COL21A1: variants seen among roughly 807,000 people sequenced by gnomAD.
The protein encoded by COL21A1 is collagen alpha-1(XXI) chain.
A neutral mutation model predicts 137.9 loss-of-function variants in COL21A1; 149 were observed. That is an observed-to-expected ratio of 1.08 (90% CI 0.95 to 1.24). The LOEUF (loss-of-function observed/expected upper bound fraction) is 1.24, where lower values mean the gene tolerates loss of function less well. COL21A1 is among the 50% of genes most tolerant of loss of function. The pLI is 0.00. For missense variants in COL21A1, 1,167 were observed against 1,158.4 expected, an observed-to-expected ratio of 1.01 and a Z score of -0.11; for synonymous variants, 456 against 391.5, an observed-to-expected ratio of 1.16 and a Z score of -1.95.
At chr6:56,136,903 G>C (rs1460640579) in intron 12 of COL21A1, among the ~76,000 whole-genome samples, 2 of 152,110 alleles carry the variant, frequency 1.3e-5, no homozygotes, top group Non-Finnish European at 1.5e-5. Flanking sequence ...CACGACCGTG[G>C]GTACTCATTC....
chr6:56,217,268 C>T (rs527869629), intron 1 of COL21A1, among the ~76,000 whole-genome samples: 65 of 152,126 alleles, frequency 4.3e-4, no homozygotes, highest in African/African-American at 1.4e-3. Flanking sequence ...AGGAGGACTC[C>T]ACTTGGTGGG....
intron 1 of COL21A1, among the ~76,000 whole-genome samples, chr6:56,369,305 C>T (rs1379639174): frequency 6.6e-6 from 1 of 151,282 alleles, no homozygotes; most frequent in Admixed American, 6.6e-5. Context: ...GTAAGAATAG[C>T]CATAAGTCAA....
chr6:56,306,435 T>A (rs186808794), intron 1 of COL21A1, among the ~76,000 whole-genome samples: 25 of 152,178 alleles, frequency 1.6e-4, no homozygotes, highest in Admixed American at 1.6e-3. Flanking sequence ...CATTTCTTCT[T>A]ATTCTTTTTT....
intron 1 of COL21A1, among the ~76,000 whole-genome samples, chr6:56,367,500 T>C (rs1297346633): frequency 1.3e-5 from 2 of 152,198 alleles, no homozygotes; most frequent in Non-Finnish European, 2.9e-5. Flanking sequence ...TTCTACAGTA[T>C]AATTTTGTGT....
At chr6:56,122,897 G>T (rs1772678892) in intron 16 of COL21A1, among the ~76,000 whole-genome samples, 2 of 152,040 alleles carry the variant, frequency 1.3e-5, no homozygotes, top group Non-Finnish European at 2.9e-5. Flanking sequence ...CAAAATATTT[G>T]CCAGAGAACA....
At chr6:56,142,082 C>T in intron 10 of COL21A1, 99 bp from the exon 11 acceptor site, 1 of 842,094 alleles carries the variant, frequency 1.2e-6, no homozygotes, top group Non-Finnish European at 1.8e-6. Context: ...GTTTCTCATG[C>T]CTAAAACTTC....
intron 1 of COL21A1, among the ~76,000 whole-genome samples, chr6:56,242,467 A>T (rs1925156): frequency 0.46 from 70,221 of 151,968 alleles, 17,760 homozygotes; most frequent in African/African-American, 0.65. Context: ...TACATAAACA[A>T]ACAGTTAAGG....
chr6:56,314,536 C>T (rs1764685830), intron 1 of COL21A1, among the ~76,000 whole-genome samples: 1 of 152,136 alleles, frequency 6.6e-6, no homozygotes. Context: ...GTCTGCAACA[C>T]CTCGGCCAAG....
chr6:56,075,154 T>A (rs1324905789), intron 19 of COL21A1, among the ~76,000 whole-genome samples: 1 of 151,354 alleles, frequency 6.6e-6, no homozygotes, highest in Non-Finnish European at 1.5e-5. Context: ...TAATTTAAAA[T>A]AAAAAAATCA....
At chr6:56,188,404 A>C (rs188093839) in intron 1 of COL21A1, among the ~76,000 whole-genome samples, 5 of 152,214 alleles carry the variant, frequency 3.3e-5, no homozygotes, top group Admixed American at 1.3e-4. Flanking sequence ...ATCAATATAC[A>C]AGTTGTGTGA....
chr6:56,098,978 G>T (rs1770168019), intron 17 of COL21A1, among the ~76,000 whole-genome samples: 1 of 150,306 alleles, frequency 6.7e-6, no homozygotes, highest in Admixed American at 6.7e-5. Flanking sequence ...GCCTCCCAAA[G>T]TGCTGGGATT....
chr6:56,300,363 A>G (rs1362833972), intron 1 of COL21A1, among the ~76,000 whole-genome samples: 3 of 152,246 alleles, frequency 2.0e-5, no homozygotes, highest in Non-Finnish European at 2.9e-5. Context: ...TGAGTTTGTT[A>G]TATAATCCTC....
At chr6:56,078,332 T>G (rs1767425576) in intron 17 of COL21A1, 3 of 411,138 alleles carry the variant, frequency 7.3e-6, no homozygotes, top group Non-Finnish European at 1.5e-5. Context: ...AAACAGTGAT[T>G]GTACTAATCA....
chr6:56,319,750 A>G (rs1302252791), intron 1 of COL21A1, among the ~76,000 whole-genome samples: 3 of 152,170 alleles, frequency 2.0e-5, no homozygotes, highest in African/African-American at 7.2e-5. Context: ...TCAGTTTTTT[A>G]TGGATTCTCC....
intron 1 of COL21A1, among the ~76,000 whole-genome samples, chr6:56,240,956 G>C (rs10484710): frequency 5.9e-5 from 9 of 152,198 alleles, no homozygotes; most frequent in African/African-American, 2.2e-4. Context: ...TTTGAATTAG[G>C]TTCCAAGTGC....
chr6:56,189,748 C>T (rs1189240696), intron 1 of COL21A1, among the ~76,000 whole-genome samples: 1 of 152,144 alleles, frequency 6.6e-6, no homozygotes, highest in Non-Finnish European at 1.5e-5. Flanking sequence ...AAACAGAAGC[C>T]CATCAGGCTA....
intron 17 of COL21A1, among the ~76,000 whole-genome samples, chr6:56,099,483 G>T (rs1770244566): frequency 6.6e-6 from 1 of 151,814 alleles, no homozygotes; most frequent in Admixed American, 6.6e-5. Context: ...TGATCCAGCC[G>T]CCTCGGCCTC....
intron 17 of COL21A1, among the ~76,000 whole-genome samples, chr6:56,080,436 C>A (rs1262172449): frequency 6.6e-6 from 1 of 151,712 alleles, no homozygotes; most frequent in Non-Finnish European, 1.5e-5. Flanking sequence ...CACTGCTGTA[C>A]AACAAACAAG....
chr6:56,267,768 A>G (rs1403759139), intron 1 of COL21A1, among the ~76,000 whole-genome samples: 4 of 116,272 alleles, frequency 3.4e-5, no homozygotes, highest in African/African-American at 1.2e-4. Context: ...AAAAAAAAAA[A>G]AAAAGAAGAA....
Sources: gnomAD v4.1 joint callset for allele counts (sites outside exome capture counted in the v4.1 genomes callset) on GRCh38, gnomAD v4.1.1 for gene constraint, MANE v1.5 for transcripts, NCBI Gene and HGNC (gene_info 2026-07-23, HGNC 2026-07-21) for gene names.